Variants in ATP6V0E2 observed in about 807,000 individuals in gnomAD.
ATP6V0E2 encodes the protein ATPase H+ transporting V0 subunit e2.
In ATP6V0E2, 4 loss-of-function variants were observed where a neutral mutation model predicts 11.5. That is an observed-to-expected ratio of 0.35 (90% CI 0.17 to 0.80). The LOEUF (loss-of-function observed/expected upper bound fraction) is 0.80. Ranked by LOEUF, ATP6V0E2 falls within the 30% of genes least tolerant of loss-of-function variation. ATP6V0E2 has a pLI of 0.53. For synonymous variants in ATP6V0E2, 52 were observed against 51.0 expected (o/e 1.02, Z -0.09); for missense variants, 93 against 113.5 (o/e 0.82, Z 0.82).
chr7:149,875,508 C>A, intron 1 of ATP6V0E2, 90 bp from the exon 2 acceptor site: 1 of 1,324,170 alleles, frequency 7.6e-7, no homozygotes, highest in Admixed American at 1.7e-5. Flanking sequence ...GAAAAGAGCT[C>A]ACACCAGGAG....
At chr7:149,876,300 C>T (rs777384968) in intron 2 of ATP6V0E2, among the ~76,000 whole-genome samples, 15 of 152,142 alleles carry the variant, frequency 9.9e-5, no homozygotes, top group Non-Finnish European at 1.6e-4. Flanking sequence ...CGCTTGAACC[C>T]GGGAGACGGA....
chr7:149,876,568 ATTT>A (rs1803155985), intron 2 of ATP6V0E2, among the ~76,000 whole-genome samples: 1 of 152,160 alleles, frequency 6.6e-6, no homozygotes, highest in Admixed American at 6.5e-5. Flanking sequence ...TATTAAAAAA[ATTT>A]TTTAAAAGGA....
In ATP6V0E2 at chr7:149,879,480, A is replaced by T; in HGVS notation, c.*165A>T. The T allele has an allele frequency of 6.3e-7, 1 of 1,594,122 alleles. No individual in the cohort carries two copies. The highest frequency in any genetic ancestry group is 8.5e-7 in the Non-Finnish European group (1 of 1,170,732). ...CCCGCAGGGCCTGCCTGGTTCCTGGAAGTCTTCCCAGTCTTCCCAGCCAGC... is the reference window on the plus strand; with the variant it reads ...CCCGCAGGGCCTGCCTGGTTCCTGGTAGTCTTCCCAGTCTTCCCAGCCAGC... On this transcript the variant is annotated 3_prime_UTR_variant, in exon 4 of 4. Coordinates refer to ENST00000425642, the MANE Select transcript of ATP6V0E2 (RefSeq NM_145230.4).
rs76998288 is a variant in ATP6V0E2, at chr7:149,879,606, G to A, written c.*291G>A. On this transcript the variant is annotated 3_prime_UTR_variant, in exon 4 of 4. Coordinates refer to ENST00000425642, the MANE Select transcript of ATP6V0E2 (RefSeq NM_145230.4). ...TTGCCCTCTTTCCCAAGGAGATGCT[G>A]CTGGGGAGCTGGTATGGGTGGGGTC... 6.8e-7 allele frequency: 1 copy of A among 1,475,550 alleles called. No homozygotes were observed. The highest frequency in any genetic ancestry group is 2.5e-5 in the East Asian group (1 of 39,374). The allele number at this position is 1,475,550 out of a possible 1,614,324, so 91.4% of individuals were successfully genotyped here.
rs1803331662 is a variant in ATP6V0E2 at position 149,879,432 on chromosome 7, C to T, written c.*117C>T. 1 of 1,605,404 alleles carries T rather than the reference C, an allele frequency of 6.2e-7. No homozygotes were observed. Among genetic ancestry groups the T allele is most frequent in the Non-Finnish European group, 8.5e-7 (1 of 1,176,356 alleles). On this transcript the variant is annotated 3_prime_UTR_variant, in exon 4 of 4. Transcript: ENST00000425642. ...ACTATGTCTGGTCACCAGCTCCCTC[C>T]TGCTGGCACCCAGAGACCCGGACCC...
chr7:149,879,421 C>T lies in ATP6V0E2; in HGVS notation c.*106C>T. 6.2e-7 allele frequency: 1 copy of T among 1,605,684 alleles called. No individual in the cohort carries two copies. The highest frequency in any genetic ancestry group is 1.1e-5 in the South Asian group (1 of 89,170). On this transcript the variant is annotated 3_prime_UTR_variant, in exon 4 of 4. Transcript: ENST00000425642. ...TCCCCCACACAACTATGTCTGGTCA[C>T]CAGCTCCCTCCTGCTGGCACCCAGA...
intron 3 of ATP6V0E2, 92 bp from the exon 4 acceptor site, chr7:149,879,243 T>A: frequency 2.8e-6 from 4 of 1,406,126 alleles, no homozygotes; most frequent in Non-Finnish European, 3.7e-6. Context: ...GAGGACTATC[T>A]GGGCAGGGGT....
rs749607674 is a variant in ATP6V0E2, at chr7:149,878,686, T to A, written c.161T>A (p.Ile54Asn). Residue 54 changes from isoleucine to asparagine, a missense_variant, in exon 3 of 4, where the codon ATC becomes AAC. Transcript: ENST00000425642. ...TTTGCTGTCCCTGGCAGCTGGCTCA[T>A]CGCCATCCTGGCGCAGCTGAACCCC... is the stretch of plus-strand genomic sequence containing the variant. ...TAVCCYLFWL[I>N]AILAQLNPLF... 1.2e-6 allele frequency: 2 copies of A among 1,611,546 alleles called. No homozygotes were observed. The highest frequency in any genetic ancestry group is 1.7e-6 in the Non-Finnish European group (2 of 1,179,760).
At chr7:149,875,011 T>C (rs1803050101) in intron 1 of ATP6V0E2, 1 of 153,792 alleles carries the variant, frequency 6.5e-6, no homozygotes, top group Non-Finnish European at 1.4e-5. Flanking sequence ...CATTTTCGTG[T>C]CTTGCGTCTC....
Position 149,879,397 on chromosome 7 carries a change from C to A in ATP6V0E2, c.*82C>A, listed in dbSNP as rs752023254. On this transcript the variant is annotated 3_prime_UTR_variant, in exon 4 of 4. Coordinates refer to ENST00000425642, the MANE Select transcript of ATP6V0E2 (RefSeq NM_145230.4). ...CTGACAACCCCTTCGTCCGGACCCTCCCCCACACAACTATGTCTGGTCACC... is the reference window on the plus strand; with the variant it reads ...CTGACAACCCCTTCGTCCGGACCCTACCCCACACAACTATGTCTGGTCACC... 2.6e-5 allele frequency: 42 copies of A among 1,600,126 alleles called. No individual in the cohort carries two copies. In the Middle Eastern group the frequency reaches 1.8e-3, roughly 69 times the overall value.
At chr7:149,873,112 T>C (rs1295112508), upstream of ATP6V0E2, 1 of 152,238 alleles carries the variant, frequency 6.6e-6, no homozygotes, top group Non-Finnish European at 1.5e-5. Flanking sequence ...CTTCCAGCCC[T>C]GATGGAAGAA....
chr7:149,876,792 T>C (rs1006443851), intron 2 of ATP6V0E2, among the ~76,000 whole-genome samples: 11 of 152,184 alleles, frequency 7.2e-5, no homozygotes, highest in Admixed American at 5.9e-4. Flanking sequence ...CTTGGCATCG[T>C]TGGGTGTTCT....
intron 2 of ATP6V0E2, among the ~76,000 whole-genome samples, chr7:149,877,741 G>C (rs576508513): frequency 6.6e-6 from 1 of 152,228 alleles, no homozygotes; most frequent in South Asian, 2.1e-4. Flanking sequence ...TACACAAGAT[G>C]CGGGGTAATC....
chr7:149,875,904 G>A (rs1191828127), intron 2 of ATP6V0E2: 3 of 667,508 alleles, frequency 4.5e-6, no homozygotes, highest in Non-Finnish European at 8.3e-6. Context: ...CCTGGGCAAG[G>A]AAGGAGGCAG....
Position 149,879,860 on chromosome 7 carries a change from A to C in ATP6V0E2, c.*545A>C. The C allele has an allele frequency of 1.6e-4, 67 of 421,508 alleles. No individual in the cohort carries two copies. Among genetic ancestry groups the C allele is most frequent in the South Asian group, 3.4e-4 (3 of 8,914 alleles). The allele number at this position is 421,508 out of a possible 1,614,324, so 26.1% of individuals were successfully genotyped here. A position where few individuals can be genotyped will look rare whatever the true frequency, so the allele number is the denominator to read the frequency against. ...ACGTCTAGATGTGAAATTTCTGAAA[A>C]TGTTGAAGCAGAGAAACATTCACAC... On this transcript the variant is annotated 3_prime_UTR_variant, in exon 4 of 4. Coordinates refer to ENST00000425642, the MANE Select transcript of ATP6V0E2 (RefSeq NM_145230.4).
At chr7:149,874,282 G>A (rs1803004924) in intron 1 of ATP6V0E2, 113 bp downstream of exon 1, 4 of 1,347,964 alleles carry the variant, frequency 3.0e-6, no homozygotes, top group Non-Finnish European at 2.0e-6. Flanking sequence ...CCGCAGGAGG[G>A]ACGCCAGGAC....
intron 2 of ATP6V0E2, among the ~76,000 whole-genome samples, chr7:149,878,378 C>T (rs1563137790): frequency 6.6e-6 from 1 of 152,136 alleles, no homozygotes; most frequent in African/African-American, 2.4e-5. Context: ...AGCTGGGAGT[C>T]GCTCCCAAAG....
upstream of ATP6V0E2, chr7:149,873,829 A>G (rs1313141083): frequency 2.1e-6 from 3 of 1,435,046 alleles, no homozygotes; most frequent in Non-Finnish European, 2.7e-6. Context: ...ATTCCTCGGC[A>G]TTTCTCTCTG....
At chr7:149,874,350 C>T (rs969861151) in intron 1 of ATP6V0E2, among the ~76,000 whole-genome samples, 181 bp downstream of exon 1, 1 of 152,108 alleles carries the variant, frequency 6.6e-6, no homozygotes, top group East Asian at 1.9e-4. Flanking sequence ...CGGGAACAGG[C>T]AGGAGGTGGG....
Sources: gnomAD v4.1 joint callset for allele counts (sites outside exome capture counted in the v4.1 genomes callset) on GRCh38, gnomAD v4.1.1 for gene constraint, MANE v1.5 for transcripts, NCBI Gene and HGNC (gene_info 2026-07-23, HGNC 2026-07-21) for gene names.